Variants in RPSA2 observed in about 807,000 individuals in gnomAD.
RPSA2 encodes small ribosomal subunit protein uS2B.
the RPSA2 span, among the ~76,000 whole-genome samples, chr19:23,789,019 C>CTTTTTTTTTTTTTTTTTT: frequency 3.6e-5 from 4 of 112,622 alleles, 1 homozygote; most frequent in Admixed American, 2.1e-4. Context: ...TTTTTTCTTT[C>CTTTTTTTTTTTTTTTTTT]TTTCTTTTTT....
At chr19:23,818,808 A>T in the RPSA2 span, 83 of 152,886 alleles carry the variant, frequency 5.4e-4, no homozygotes, top group African/African-American at 1.9e-3. Context: ...GGTTCTAGGT[A>T]AGGACTTTGG....
chr19:23,766,142 C>CTTTTTTTTTTTTT, the RPSA2 span, among the ~76,000 whole-genome samples: 54 of 43,288 alleles, frequency 1.2e-3, 25 homozygotes, highest in African/African-American at 3.3e-3. Context: ...TATTTCATTT[C>CTTTTTTTTTTTTT]CTTTTTTTTT....
At chr19:23,787,631 A>C in the RPSA2 span, among the ~76,000 whole-genome samples, 1 of 152,006 alleles carries the variant, frequency 6.6e-6, no homozygotes, top group Non-Finnish European at 1.5e-5. Flanking sequence ...CAAAACAAAA[A>C]AAAGAATGAA....
chr19:23,813,359 C>T, the RPSA2 span, among the ~76,000 whole-genome samples: 4 of 151,958 alleles, frequency 2.6e-5, no homozygotes, highest in African/African-American at 9.7e-5. Flanking sequence ...AACATTTACT[C>T]ATTTTATGCT....
At chr19:23,857,689 G>A in the RPSA2 span, among the ~76,000 whole-genome samples, 1 of 151,578 alleles carries the variant, frequency 6.6e-6, no homozygotes, top group Admixed American at 6.6e-5. Context: ...TAGAGACAGG[G>A]TTTCACCATA....
At chr19:23,771,956 T>C in the RPSA2 span, among the ~76,000 whole-genome samples, 1 of 152,184 alleles carries the variant, frequency 6.6e-6, no homozygotes, top group Non-Finnish European at 1.5e-5. Flanking sequence ...GAAGGGAGGA[T>C]TGTGGCATAT....
the RPSA2 span, among the ~76,000 whole-genome samples, chr19:23,785,356 A>C: frequency 7.2e-5 from 11 of 152,048 alleles, no homozygotes; most frequent in Non-Finnish European, 1.6e-4. Context: ...ACCTATAAAA[A>C]GGGAGGCTTC....
At chr19:23,788,091 G>T in the RPSA2 span, among the ~76,000 whole-genome samples, 1 of 152,086 alleles carries the variant, frequency 6.6e-6, no homozygotes, top group African/African-American at 2.4e-5. Context: ...TTGGCCAGTC[G>T]CCTAAATGAT....
chr19:23,869,074 A>C, the RPSA2 span, among the ~76,000 whole-genome samples: 10 of 152,188 alleles, frequency 6.6e-5, no homozygotes, highest in African/African-American at 1.9e-4. Context: ...TGCAGAGTCA[A>C]AAACATATTG....
At chr19:23,821,957 C>T in the RPSA2 span, among the ~76,000 whole-genome samples, 1,264 of 152,290 alleles carry the variant, frequency 8.3e-3, 16 homozygotes, top group Middle Eastern at 0.031. Context: ...CTTCTATAAG[C>T]TGGGTGGCAT....
chr19:23,771,958 G>A, the RPSA2 span, among the ~76,000 whole-genome samples: 1 of 152,194 alleles, frequency 6.6e-6, no homozygotes, highest in African/African-American at 2.4e-5. Context: ...AGGGAGGATT[G>A]TGGCATATCA....
At chr19:23,839,471 C>T in the RPSA2 span, among the ~76,000 whole-genome samples, 1 of 152,150 alleles carries the variant, frequency 6.6e-6, no homozygotes, top group Non-Finnish European at 1.5e-5. Flanking sequence ...TCACAACAGC[C>T]CCAAATCTGT....
chr19:23,806,034 T>C, the RPSA2 span, among the ~76,000 whole-genome samples: 1 of 104,754 alleles, frequency 9.5e-6, no homozygotes, highest in Non-Finnish European at 1.9e-5. Context: ...TATCTATCTA[T>C]CCTTCTTTCT....
chr19:23,773,181 C>G, the RPSA2 span, among the ~76,000 whole-genome samples: 1 of 151,718 alleles, frequency 6.6e-6, no homozygotes, highest in Non-Finnish European at 1.5e-5. Flanking sequence ...ACTGCAAGCT[C>G]CACCTCCCAG....
chr19:23,864,652 A>G, the RPSA2 span, among the ~76,000 whole-genome samples: 1,804 of 152,296 alleles, frequency 0.012, 40 homozygotes, highest in African/African-American at 0.04. Flanking sequence ...TTCTGAACAT[A>G]CTGATTTTAA....
chr19:23,844,048 C>T, the RPSA2 span, among the ~76,000 whole-genome samples: 9 of 152,230 alleles, frequency 5.9e-5, no homozygotes, highest in Middle Eastern at 3.4e-3. Context: ...TGTGAACCAC[C>T]GCACCTGGCC....
chr19:23,833,142 A>G, the RPSA2 span: 2 of 1,201,266 alleles, frequency 1.7e-6, no homozygotes, highest in Non-Finnish European at 2.1e-6. Context: ...AACCCTACAA[A>G]TGGGAAGAAT....
the RPSA2 span, among the ~76,000 whole-genome samples, chr19:23,868,769 A>G: frequency 6.6e-6 from 1 of 152,190 alleles, no homozygotes; most frequent in Non-Finnish European, 1.5e-5. Flanking sequence ...TGGATAAACC[A>G]TGTGGGTGCC....
chr19:23,786,900 G>A, the RPSA2 span, among the ~76,000 whole-genome samples: 1 of 151,918 alleles, frequency 6.6e-6, no homozygotes, highest in African/African-American at 2.4e-5. Context: ...TAGGAGATGT[G>A]ACTCTCATCT....
Sources: allele counts gnomAD v4.1 joint callset (sites outside exome capture counted in the v4.1 genomes callset), GRCh38; gene constraint gnomAD v4.1.1; transcripts MANE v1.5; gene names NCBI Gene and HGNC (gene_info 2026-07-23, HGNC 2026-07-21).